KCNH7: variants seen among roughly 807,000 people sequenced by gnomAD.
KCNH7 encodes potassium voltage-gated channel subfamily H member 7.
Under a neutral mutation model 120.8 loss-of-function variants are expected in KCNH7, and 49 were observed. That is an observed-to-expected ratio of 0.41 (90% CI 0.32 to 0.51). The LOEUF is 0.51. KCNH7 is among the 20% of genes least tolerant of loss of function. The probability of loss-of-function intolerance (pLI) is 0.38; values close to 1 mark genes in which losing one functional copy is unlikely to be tolerated. For synonymous variants in KCNH7, 547 were observed against 516.1 expected, an observed-to-expected ratio of 1.06 and a Z score of -0.81; for missense variants, 1,097 against 1,446.6, an observed-to-expected ratio of 0.76 and a Z score of 3.92.
chr2:162,423,167 G>C, intron 9 of KCNH7, 169 bp downstream of exon 9: 1 of 1,386,338 alleles, frequency 7.2e-7, no homozygotes, highest in Non-Finnish European at 9.9e-7. Flanking sequence ...ATAGCACCAT[G>C]CAATGCCATG....
chr2:162,459,552 G>T (rs1689082213), intron 6 of KCNH7, among the ~76,000 whole-genome samples: 1 of 152,056 alleles, frequency 6.6e-6, no homozygotes, highest in Admixed American at 6.6e-5. Flanking sequence ...TTCTTGCTCT[G>T]CCTTCTTCCT....
chr2:162,698,300 G>A (rs1005770555), intron 2 of KCNH7, among the ~76,000 whole-genome samples: 3 of 152,024 alleles, frequency 2.0e-5, no homozygotes, highest in Non-Finnish European at 2.9e-5. Context: ...ATATATGATT[G>A]TGTATTGAAA....
intron 8 of KCNH7, among the ~76,000 whole-genome samples, chr2:162,434,573 G>A (rs951768042): frequency 2.0e-5 from 3 of 151,878 alleles, no homozygotes; most frequent in Admixed American, 2.0e-4. Context: ...AAGAATATCT[G>A]TTATGAATGA....
chr2:162,430,003 G>A (rs1688012334), intron 8 of KCNH7, among the ~76,000 whole-genome samples: 1 of 150,238 alleles, frequency 6.7e-6, no homozygotes, highest in Non-Finnish European at 1.5e-5. Context: ...AATAGATATT[G>A]GGCACTATAC....
chr2:162,654,642 C>T lies in KCNH7; in HGVS notation c.308-117562G>A, dbSNP rs115452459. On this transcript the variant is annotated intron_variant, in intron 2 of 15. Coordinates refer to ENST00000332142, the MANE Select transcript of KCNH7 (RefSeq NM_033272.4). ...ACCATATGATCTAGCAATTTCACTC[C>T]TATATATATATCCAACAGAAATGAA... Among the ~76,000 whole-genome samples, 544 of 152,012 alleles carry T rather than the reference C, an allele frequency of 3.6e-3. 2 individuals carry two copies. Among genetic ancestry groups the T allele is most frequent in the Non-Finnish European group, 5.8e-3 (391 of 67,948 alleles).
intron 2 of KCNH7, among the ~76,000 whole-genome samples, chr2:162,548,469 A>G (rs1692554040): frequency 6.6e-6 from 1 of 152,148 alleles, no homozygotes; most frequent in Admixed American, 6.5e-5. Context: ...TACACATATT[A>G]GGCTTCAGGA....
At chr2:162,677,156 G>T (rs1354058591) in intron 2 of KCNH7, among the ~76,000 whole-genome samples, 1 of 151,460 alleles carries the variant, frequency 6.6e-6, no homozygotes, top group Non-Finnish European at 1.5e-5. Context: ...TTAAGTAGCA[G>T]AAAATATAGA....
At chr2:162,740,168 C>T (rs1688071881) in intron 2 of KCNH7, among the ~76,000 whole-genome samples, 3 of 152,074 alleles carry the variant, frequency 2.0e-5, no homozygotes, top group Admixed American at 2.0e-4. Flanking sequence ...TGTGTCAGGA[C>T]CCGAGCCAGG....
chr2:162,602,097 T>C (rs1370679582), intron 2 of KCNH7, among the ~76,000 whole-genome samples: 2 of 152,048 alleles, frequency 1.3e-5, no homozygotes, highest in African/African-American at 4.8e-5. Flanking sequence ...TATTAGGATA[T>C]TTTGTAATAA....
chr2:162,803,556 T>A (rs1389954810), intron 2 of KCNH7, among the ~76,000 whole-genome samples: 2 of 151,756 alleles, frequency 1.3e-5, no homozygotes, highest in African/African-American at 4.8e-5. Flanking sequence ...GTAGCCTAAA[T>A]GCTTTTTACT....
At chr2:162,827,266 G>C (rs1347401793) in intron 2 of KCNH7, among the ~76,000 whole-genome samples, 1 of 152,050 alleles carries the variant, frequency 6.6e-6, no homozygotes, top group Non-Finnish European at 1.5e-5. Flanking sequence ...TTGTGGGAAG[G>C]AGAGGGGAAA....
Position 162,597,700 on chromosome 2 carries a change from G to A in KCNH7, c.308-60620C>T, listed in dbSNP as rs186610894. On this transcript the variant is annotated intron_variant, in intron 2 of 15. Transcript: ENST00000332142. ...GTTGCTAAAAGAATGGATTTTAAAT[G>A]TTCTCACTGCAAAGAAATGAAAAGT... Among the ~76,000 whole-genome samples, 1,009 of 152,132 alleles carry A rather than the reference G, an allele frequency of 6.6e-3. 12 individuals carry two copies. The highest frequency in any genetic ancestry group is 7.0e-3 in the Non-Finnish European group (477 of 67,996).
intron 2 of KCNH7, among the ~76,000 whole-genome samples, chr2:162,781,623 T>A (rs1421912181): frequency 2.6e-5 from 4 of 152,100 alleles, no homozygotes; most frequent in Non-Finnish European, 5.9e-5. Flanking sequence ...GTTTTTGGAT[T>A]TCATTACATA....
intron 2 of KCNH7, among the ~76,000 whole-genome samples, chr2:162,786,462 T>G (rs888504496): frequency 6.6e-6 from 1 of 152,124 alleles, no homozygotes; most frequent in South Asian, 2.1e-4. Context: ...AAGCCAGATA[T>G]TGGACCCTGG....
chr2:162,429,363 T>C (rs966436430), intron 8 of KCNH7, among the ~76,000 whole-genome samples: 1 of 147,382 alleles, frequency 6.8e-6, no homozygotes, highest in Non-Finnish European at 1.5e-5. Flanking sequence ...TTTTAAGACA[T>C]TTAGAAATGA....
At chr2:162,663,973 C>T (rs1685053295) in intron 2 of KCNH7, among the ~76,000 whole-genome samples, 1 of 152,100 alleles carries the variant, frequency 6.6e-6, no homozygotes, top group African/African-American at 2.4e-5. Context: ...AGCTGACCTC[C>T]TCTACTCATT....
chr2:162,726,815 T>TA (rs1449798169), intron 2 of KCNH7, among the ~76,000 whole-genome samples: 3 of 152,196 alleles, frequency 2.0e-5, no homozygotes, highest in African/African-American at 7.2e-5. Context: ...TTAATGGCTT[T>TA]AATAGTTTCC....
At chr2:162,448,918 G>T (rs1688673625) in intron 6 of KCNH7, among the ~76,000 whole-genome samples, 1 of 151,988 alleles carries the variant, frequency 6.6e-6, no homozygotes, top group African/African-American at 2.4e-5. Flanking sequence ...TGATGGTGCT[G>T]ATGGAGTAGG....
intron 2 of KCNH7, among the ~76,000 whole-genome samples, chr2:162,770,553 C>T (rs1574366371): frequency 6.6e-6 from 1 of 152,050 alleles, no homozygotes; most frequent in Non-Finnish European, 1.5e-5. Context: ...ATGATACTAA[C>T]GTCTTTGAGA....
Sources: gnomAD v4.1 joint callset for allele counts (sites outside exome capture counted in the v4.1 genomes callset) on GRCh38, gnomAD v4.1.1 for gene constraint, MANE v1.5 for transcripts, NCBI Gene and HGNC (gene_info 2026-07-23, HGNC 2026-07-21) for gene names.